LSMEM1: variants seen among roughly 807,000 people sequenced by gnomAD.
LSMEM1 encodes the protein leucine rich single-pass membrane protein 1.
LSMEM1 carries 10 observed loss-of-function variants against 11.3 expected under a neutral mutation model. The ratio of observed to expected loss-of-function variants is 0.89; its 90% CI spans 0.55 to 1.50. LSMEM1 has a LOEUF of 1.50. Ranked by LOEUF, LSMEM1 falls within the 40% of genes most tolerant of loss-of-function variation. LSMEM1 has a pLI of 0.00. For missense variants in LSMEM1, 151 were observed against 152.9 expected (o/e 0.99, Z 0.06); for synonymous variants, 65 against 59.3 (o/e 1.10, Z -0.44).
Position 112,489,794 on chromosome 7 carries a change from G to T in LSMEM1, c.257-16G>T. 1 of 1,607,336 alleles carries T rather than the reference G, an allele frequency of 6.2e-7. No homozygotes were observed. The highest frequency in any genetic ancestry group is 8.5e-7 in the Non-Finnish European group (1 of 1,177,244). ...AGTGGAAACCAATGTAACACAGTCTGTTTTCTGTTTTGAAGTTCAAACTGG... is the reference window on the plus strand; with the variant it reads ...AGTGGAAACCAATGTAACACAGTCTTTTTTCTGTTTTGAAGTTCAAACTGG... On this transcript the variant is annotated splice_polypyrimidine_tract_variant and intron_variant, in intron 3 of 3. Coordinates refer to ENST00000312849, the MANE Select transcript of LSMEM1 (RefSeq NM_182597.3).
In LSMEM1 at chr7:112,488,103, TTATC is replaced by T. The variant is rs1356759756; in HGVS notation, c.256+1055_256+1058del. 2.6e-5 allele frequency among the ~76,000 whole-genome samples: 4 copies of T among 152,314 alleles called. No individual in the cohort carries two copies. In the East Asian group the frequency reaches 5.8e-4, roughly 22 times the overall value. ...CTCCCTCCTTACAGCTTGAAGGTCTTTATCTAGCCTCTGGAGAAAAGGGTTGGGA... is the reference window on the plus strand; with the variant it reads ...CTCCCTCCTTACAGCTTGAAGGTCTTTAGCCTCTGGAGAAAAGGGTTGGGA... On this transcript the variant is annotated intron_variant, in intron 3 of 3. Transcript: ENST00000312849.
chr7:112,485,036 G>A (rs557067896), intron 2 of LSMEM1, 93 bp downstream of exon 2: 6 of 1,366,898 alleles, frequency 4.4e-6, no homozygotes, highest in South Asian at 2.9e-5. Context: ...TGTGGTGGAG[G>A]GGGAGGGGGC....
upstream of LSMEM1, among the ~76,000 whole-genome samples, chr7:112,480,546 T>C (rs905393676): frequency 6.6e-6 from 1 of 152,226 alleles, no homozygotes; most frequent in African/African-American, 2.4e-5. Flanking sequence ...CTGTAGCATC[T>C]TTTATGTACA....
At chr7:112,484,545 G>C (rs1358187412) in intron 1 of LSMEM1, among the ~76,000 whole-genome samples, 5 of 152,160 alleles carry the variant, frequency 3.3e-5, no homozygotes, top group African/African-American at 1.2e-4. Context: ...AGATAAGCAG[G>C]GTATACATGG....
At chr7:112,487,280 GT>G (rs1239656263) in intron 3 of LSMEM1, among the ~76,000 whole-genome samples, 2 of 152,216 alleles carry the variant, frequency 1.3e-5, no homozygotes, top group Non-Finnish European at 2.9e-5. Context: ...GAATATGTAT[GT>G]TAAATAATTC....
chr7:112,483,546 A>G (rs183562572), intron 1 of LSMEM1: 103 of 152,366 alleles, frequency 6.8e-4, no homozygotes, highest in African/African-American at 2.3e-3. Flanking sequence ...ATGCAATAAA[A>G]TACTACAGAT....
At chr7:112,484,673 G>A in intron 1 of LSMEM1, 139 bp from the exon 2 acceptor site, 2 of 826,714 alleles carry the variant, frequency 2.4e-6, no homozygotes, top group Non-Finnish European at 3.7e-6. Context: ...GATAAGCCAA[G>A]TTCTCTAGAG....
At chr7:112,484,548 A>G (rs2117364344) in intron 1 of LSMEM1, among the ~76,000 whole-genome samples, 1 of 152,360 alleles carries the variant, frequency 6.6e-6, no homozygotes, top group Middle Eastern at 3.4e-3. Context: ...TAAGCAGGGT[A>G]TACATGGATG....
rs185792332 is a variant in LSMEM1 at position 112,486,503 on chromosome 7, G to A, written c.128-420G>A. ...CCTAAAACAGAAGTCACGGCCGGGC[G>A]CCGTGGCTCACGCCTGTAATCCCAG... is the stretch of plus-strand genomic sequence containing the variant. On this transcript the variant is annotated intron_variant, in intron 2 of 3. Transcript: ENST00000312849. The A allele has an allele frequency of 4.4e-4, 160 of 361,536 alleles. 1 individual carries two copies. The highest frequency in any genetic ancestry group is 7.2e-4 in the Non-Finnish European group (127 of 175,216). 22.4% of individuals were successfully genotyped at this position (361,536 alleles called of 1,614,324 possible).
At chr7:112,486,141 T>G (rs570691989) in intron 2 of LSMEM1, 13 of 190,632 alleles carry the variant, frequency 6.8e-5, no homozygotes, top group African/African-American at 2.3e-4. Flanking sequence ...GGATGTAGGC[T>G]TAACTGATTA....
intron 2 of LSMEM1, among the ~76,000 whole-genome samples, chr7:112,485,261 G>C (rs1796107039): frequency 1.3e-5 from 2 of 152,136 alleles, no homozygotes. Flanking sequence ...CCCTCTCCTA[G>C]TGACCATGGC....
Position 112,484,749 on chromosome 7 carries a change from G to T in LSMEM1, c.-5-63G>T, listed in dbSNP as rs1349176484. On this transcript the variant is annotated intron_variant, in intron 1 of 3. Transcript: ENST00000312849. ...CCTGTCTGGCTTCCTGGTGGCTGTG[G>T]TTCTTGTGAAGTTGAGTTCACAAGC... 1.4e-5 allele frequency: 22 copies of T among 1,565,112 alleles called. No homozygotes were observed. The Admixed American group carries it at 3.8e-4, about 27-fold the overall frequency.
chr7:112,489,661 T>A (rs1796199940), intron 3 of LSMEM1, 149 bp from the exon 4 acceptor site: 2 of 823,248 alleles, frequency 2.4e-6, no homozygotes, highest in Middle Eastern at 3.8e-4. Flanking sequence ...CCAGTTTCTC[T>A]ACTGGGCTTC....
intron 2 of LSMEM1, among the ~76,000 whole-genome samples, chr7:112,485,280 C>T (rs527956017): frequency 2.0e-5 from 3 of 152,224 alleles, no homozygotes; most frequent in South Asian, 4.2e-4. Context: ...GCTAGGTTAC[C>T]GATGGGGACC....
chr7:112,487,340 G>A (rs112104427), intron 3 of LSMEM1, among the ~76,000 whole-genome samples: 4 of 152,216 alleles, frequency 2.6e-5, no homozygotes, highest in East Asian at 1.9e-4. Flanking sequence ...CCAATGGAAG[G>A]CAACTTATTC....
At chr7:112,487,532 G>A (rs758763323) in intron 3 of LSMEM1, among the ~76,000 whole-genome samples, 1 of 152,244 alleles carries the variant, frequency 6.6e-6, no homozygotes, top group Non-Finnish European at 1.5e-5. Flanking sequence ...CAGTGTTGGA[G>A]ATGTATAAAG....
intron 3 of LSMEM1, 64 bp downstream of exon 3, chr7:112,487,115 T>C (rs1460512610): frequency 6.3e-7 from 1 of 1,580,130 alleles, no homozygotes; most frequent in African/African-American, 1.4e-5. Context: ...TGGTTAACTT[T>C]GCTCCCACAA....
chr7:112,484,383 C>T (rs1796087722), intron 1 of LSMEM1, among the ~76,000 whole-genome samples: 1 of 152,112 alleles, frequency 6.6e-6, no homozygotes, highest in Non-Finnish European at 1.5e-5. Flanking sequence ...TTTTGTCTAC[C>T]TAGTCTTCTT....
chr7:112,487,130 T>C, intron 3 of LSMEM1, 79 bp downstream of exon 3: 1 of 1,509,014 alleles, frequency 6.6e-7, no homozygotes, highest in Non-Finnish European at 9.1e-7. Context: ...CCACAAAGTT[T>C]GCACCCTCCA....
Sources: allele counts gnomAD v4.1 joint callset (sites outside exome capture counted in the v4.1 genomes callset), GRCh38; gene constraint gnomAD v4.1.1; transcripts MANE v1.5; gene names NCBI Gene and HGNC (gene_info 2026-07-23, HGNC 2026-07-21).